PREP: variants seen among roughly 807,000 people sequenced by gnomAD.
PREP encodes the protein dJ355L5.1 (prolyl endopeptidase).
PREP carries 29 observed loss-of-function variants against 87.6 expected under a neutral mutation model. The ratio of observed to expected loss-of-function variants is 0.33; its 90% CI spans 0.25 to 0.45. The LOEUF (loss-of-function observed/expected upper bound fraction) is 0.45, where lower values mean the gene tolerates loss of function less well. Ranked by LOEUF, PREP falls within the 20% of genes least tolerant of loss-of-function variation. The pLI is 1.00. For synonymous variants in PREP, 337 were observed against 328.6 expected, an observed-to-expected ratio of 1.03 and a Z score of -0.28; for missense variants, 695 against 886.5, an observed-to-expected ratio of 0.78 and a Z score of 2.74.
intron 7 of PREP, among the ~76,000 whole-genome samples, chr6:105,344,830 T>C (rs921162161): frequency 6.6e-6 from 1 of 152,020 alleles, no homozygotes; most frequent in African/African-American, 2.4e-5. Flanking sequence ...AAGTATAATT[T>C]AATAAAAAGT....
chr6:105,302,585 G>A (rs1770561342), intron 10 of PREP: 8 of 426,878 alleles, frequency 1.9e-5, no homozygotes, highest in South Asian at 1.5e-4. Flanking sequence ...CAGGTCCAGG[G>A]GCTTGTACCT....
intron 10 of PREP, among the ~76,000 whole-genome samples, chr6:105,321,025 C>A (rs1421016684): frequency 6.6e-6 from 1 of 152,194 alleles, no homozygotes; most frequent in South Asian, 2.1e-4. Flanking sequence ...CACTGCACAA[C>A]AGATTTTAAG....
intron 6 of PREP, among the ~76,000 whole-genome samples, chr6:105,358,518 A>G (rs977252751): frequency 3.3e-5 from 5 of 152,164 alleles, no homozygotes; most frequent in Non-Finnish European, 7.4e-5. Flanking sequence ...GATGGGCTAA[A>G]TAACATTTGG....
At chr6:105,366,404 C>T (rs1304765239) in intron 6 of PREP, among the ~76,000 whole-genome samples, 1 of 152,198 alleles carries the variant, frequency 6.6e-6, no homozygotes, top group African/African-American at 2.4e-5. Flanking sequence ...CCAGCATGGA[C>T]TTGCAAGATA....
chr6:105,337,656 C>T (rs1037079411), intron 7 of PREP, among the ~76,000 whole-genome samples: 3 of 152,240 alleles, frequency 2.0e-5, no homozygotes, highest in Admixed American at 2.0e-4. Context: ...CAGGGACAAT[C>T]CAGCTCACAT....
At chr6:105,398,533 T>G (rs1773344538) in intron 1 of PREP, among the ~76,000 whole-genome samples, 1 of 152,336 alleles carries the variant, frequency 6.6e-6, no homozygotes, top group Admixed American at 6.5e-5. Flanking sequence ...TTTTATTTAC[T>G]GTTATGAAAT....
intron 1 of PREP, among the ~76,000 whole-genome samples, chr6:105,398,379 C>A (rs115699985): frequency 0.013 from 1,992 of 152,320 alleles, 49 homozygotes; most frequent in African/African-American, 0.046. Flanking sequence ...AATCTCCCTG[C>A]AATATAGCCC....
intron 8 of PREP, 33 bp from the exon 9 acceptor site, chr6:105,329,059 A>T (rs1000185890): frequency 5.7e-6 from 9 of 1,568,962 alleles, no homozygotes; most frequent in Non-Finnish European, 7.0e-6. Flanking sequence ...AACCTAATGC[A>T]ATTTAAAAAA....
At chr6:105,325,162 G>A (rs766418193) in intron 9 of PREP, among the ~76,000 whole-genome samples, 4 of 151,694 alleles carry the variant, frequency 2.6e-5, no homozygotes, top group African/African-American at 7.3e-5. Context: ...ATCAGTACCC[G>A]GTGCCCCCCA....
intron 5 of PREP, among the ~76,000 whole-genome samples, chr6:105,372,277 G>T (rs959847124): frequency 1.3e-5 from 2 of 152,012 alleles, no homozygotes; most frequent in Admixed American, 1.3e-4. Flanking sequence ...CATGATAAGG[G>T]GACAACAGGT....
chr6:105,382,698 G>A (rs969409395), intron 2 of PREP, among the ~76,000 whole-genome samples: 1 of 151,478 alleles, frequency 6.6e-6, no homozygotes, highest in Non-Finnish European at 1.5e-5. Flanking sequence ...TAAAGGGGAA[G>A]CTACTTCCAG....
At chr6:105,293,166 C>T (rs977708941) in intron 10 of PREP, among the ~76,000 whole-genome samples, 1 of 152,306 alleles carries the variant, frequency 6.6e-6, no homozygotes, top group East Asian at 1.9e-4. Context: ...AGACCAAAAG[C>T]TAGCCAGGCC....
intron 7 of PREP, among the ~76,000 whole-genome samples, chr6:105,343,010 G>C (rs1771700002): frequency 6.6e-6 from 1 of 152,252 alleles, no homozygotes; most frequent in South Asian, 2.1e-4. Context: ...TTTCTTCACA[G>C]AATTGGAAAA....
At chr6:105,378,381 A>G (rs533317735) in intron 2 of PREP, among the ~76,000 whole-genome samples, 1 of 152,312 alleles carries the variant, frequency 6.6e-6, no homozygotes, top group Admixed American at 6.5e-5. Flanking sequence ...AATCGCTTGA[A>G]TCCGGGAGGC....
intron 2 of PREP, among the ~76,000 whole-genome samples, chr6:105,396,855 C>T (rs879761238): frequency 3.4e-4 from 51 of 151,998 alleles, no homozygotes; most frequent in Non-Finnish European, 1.2e-4. Context: ...AAACACTATT[C>T]CCCCAACCAA....
intron 5 of PREP, among the ~76,000 whole-genome samples, chr6:105,370,941 G>A (rs1189173834): frequency 1.3e-5 from 2 of 152,118 alleles, no homozygotes; most frequent in Non-Finnish European, 2.9e-5. Context: ...CTACAACACT[G>A]GATACATGTC....
At chr6:105,353,386 A>G (rs921951650) in intron 6 of PREP, among the ~76,000 whole-genome samples, 1 of 152,214 alleles carries the variant, frequency 6.6e-6, no homozygotes, top group African/African-American at 2.4e-5. Context: ...AACTGAAAAT[A>G]TGTGAAATCC....
intron 10 of PREP, chr6:105,323,081 A>G: frequency 7.7e-7 from 1 of 1,304,192 alleles, no homozygotes; most frequent in Non-Finnish European, 1.0e-6. Context: ...CCAGTGATTC[A>G]GTTTCTGGAA....
intron 4 of PREP, among the ~76,000 whole-genome samples, chr6:105,374,605 T>C (rs1772637775): frequency 8.0e-6 from 1 of 125,388 alleles, no homozygotes; most frequent in Non-Finnish European, 1.6e-5. Context: ...CCTTTTATTC[T>C]ACATAGCACT....
Sources: gnomAD v4.1 joint callset for allele counts (sites outside exome capture counted in the v4.1 genomes callset) on GRCh38, gnomAD v4.1.1 for gene constraint, MANE v1.5 for transcripts, NCBI Gene and HGNC (gene_info 2026-07-23, HGNC 2026-07-21) for gene names.